Variants in TMPRSS9 observed in about 807,000 individuals in gnomAD.
TMPRSS9 encodes transmembrane serine protease 9.
TMPRSS9 carries 113 observed loss-of-function variants against 111.4 expected under a neutral mutation model. The ratio of observed to expected loss-of-function variants is 1.01; its 90% CI spans 0.87 to 1.19. The LOEUF is 1.19. TMPRSS9 is among the 50% of genes most tolerant of loss of function. The probability of loss-of-function intolerance (pLI) is 0.00; values close to 1 mark genes in which losing one functional copy is unlikely to be tolerated. For synonymous variants in TMPRSS9, 805 were observed against 659.1 expected, an observed-to-expected ratio of 1.22 and a Z score of -3.39; for missense variants, 1,803 against 1,513.1, an observed-to-expected ratio of 1.19 and a Z score of -3.18.
At chr19:2,401,701 G>A (rs1328762293) in intron 4 of TMPRSS9, among the ~76,000 whole-genome samples, 2 of 150,804 alleles carry the variant, frequency 1.3e-5, no homozygotes, top group Admixed American at 6.6e-5. Context: ...TCTGCCTCCC[G>A]GGTTCAAGCG....
At chr19:2,425,838 C>G in intron 17 of TMPRSS9, 89 bp from the exon 19 acceptor site, 2 of 1,468,062 alleles carry the variant, frequency 1.4e-6, no homozygotes, top group Middle Eastern at 2.6e-4. Context: ...GGGGAAGTCA[C>G]TAGGGTCACT....
chr19:2,406,114 C>A (rs1970964802), intron 7 of TMPRSS9, among the ~76,000 whole-genome samples: 1 of 148,150 alleles, frequency 6.7e-6, no homozygotes. Flanking sequence ...GGGTTCACGC[C>A]ATTCTCCTGC....
chr19:2,408,371 G>A (rs759889003), exon 8 of TMPRSS9: 9 of 1,613,318 alleles, frequency 5.6e-6, no homozygotes, highest in Admixed American at 3.3e-5. Flanking sequence ...AAGACCCGAC[G>A]AAGTGGGTGG....
chr19:2,394,153 A>C (rs1279101672), intron 1 of TMPRSS9, among the ~76,000 whole-genome samples: 3 of 152,110 alleles, frequency 2.0e-5, no homozygotes, highest in Admixed American at 1.3e-4. Flanking sequence ...CACTGAGCCA[A>C]GATCGTGCCA....
upstream of TMPRSS9, among the ~76,000 whole-genome samples, chr19:2,386,142 G>T (rs923243952): frequency 6.6e-6 from 1 of 152,152 alleles, no homozygotes; most frequent in East Asian, 1.9e-4. Flanking sequence ...TCGACATGGG[G>T]TCTTGCTATG....
intron 13 of TMPRSS9, among the ~76,000 whole-genome samples, chr19:2,420,566 A>G (rs1376278485): frequency 5.3e-5 from 8 of 152,216 alleles, no homozygotes; most frequent in Non-Finnish European, 1.0e-4. Context: ...AGTAGTTAAA[A>G]GGAAGGTGGT....
chr19:2,405,421 G>A lies in TMPRSS9; in HGVS notation c.718G>A (p.Gly240Ser), dbSNP rs551838755. 41 of 1,607,128 alleles carry A rather than the reference G, an allele frequency of 2.6e-5. No individual in the cohort carries two copies. Among genetic ancestry groups the A allele is most frequent in the African/African-American group, 9.4e-5 (7 of 74,458 alleles). Residue 240 changes from glycine to serine, a missense_variant, in exon 7 of 18, where the codon GGC becomes AGC. Coordinates refer to ENST00000648592, the Ensembl canonical transcript of TMPRSS9. ...GAGGATGGCCGGCAGGATCGTGGGC[G>A]GCATGGAAGCATCCCCGGGGGAGTT...
upstream of TMPRSS9, among the ~76,000 whole-genome samples, chr19:2,385,785 A>T (rs1267183980): frequency 6.6e-6 from 1 of 152,120 alleles, no homozygotes; most frequent in Non-Finnish European, 1.5e-5. Context: ...TGCGAGGTAG[A>T]GGCTGCAGTG....
Position 2,398,872 on chromosome 19 carries a change from A to C in TMPRSS9, c.338+10A>C, listed in dbSNP as rs762834072. The C allele has an allele frequency of 1.3e-6, 2 of 1,527,168 alleles. No individual in the cohort carries two copies. Among genetic ancestry groups the C allele is most frequent in the Non-Finnish European group, 1.8e-6 (2 of 1,141,860 alleles). The allele number at this position is 1,527,168 out of a possible 1,614,324, so 94.6% of individuals were successfully genotyped here. On this transcript the variant is annotated intron_variant, in intron 3 of 17. Coordinates refer to ENST00000648592, the Ensembl canonical transcript of TMPRSS9. ...CGGTACTGAATTATAGGTGAGTTGG[A>C]GCTTCCATTGGGTGAAGGAAACTTG...
upstream of TMPRSS9, among the ~76,000 whole-genome samples, chr19:2,385,172 C>T (rs1394187744): frequency 3.6e-4 from 4 of 11,162 alleles, no homozygotes; most frequent in East Asian, 9.6e-3. Context: ...GCGGGGCTCG[C>T]GGGGGGCGGG....
exon 6 of TMPRSS9, chr19:2,403,122 G>T: frequency 6.2e-7 from 1 of 1,612,696 alleles, no homozygotes; most frequent in Non-Finnish European, 8.5e-7. Flanking sequence ...GGAACAGCCA[G>T]TGTGTGACCA....
intron 1 of TMPRSS9, among the ~76,000 whole-genome samples, chr19:2,374,529 G>A (rs1414757008): frequency 2.0e-5 from 3 of 151,756 alleles, no homozygotes; most frequent in Admixed American, 6.6e-5. Context: ...AGCCGAGATC[G>A]CGCCACTGCA....
chr19:2,365,009 C>T (rs1970237839), intron 1 of TMPRSS9, among the ~76,000 whole-genome samples: 1 of 151,722 alleles, frequency 6.6e-6, no homozygotes, highest in Admixed American at 6.6e-5. Flanking sequence ...AACTGACGCA[C>T]GACTGTGGGT....
At chr19:2,367,485 C>T (rs558451804) in intron 1 of TMPRSS9, among the ~76,000 whole-genome samples, 39 of 151,938 alleles carry the variant, frequency 2.6e-4, no homozygotes, top group Non-Finnish European at 5.3e-4. Flanking sequence ...ACCTCTGCCT[C>T]CTGGGTTCAA....
chr19:2,389,993 A>C, intron 1 of TMPRSS9, 66 bp downstream of exon 2: 1 of 1,554,406 alleles, frequency 6.4e-7, no homozygotes, highest in East Asian at 2.3e-5. Flanking sequence ...CCGGGAAGTG[A>C]CTTGATGGTG....
chr19:2,401,261 G>A (rs1371395333), intron 4 of TMPRSS9, among the ~76,000 whole-genome samples: 4 of 151,772 alleles, frequency 2.6e-5, no homozygotes, highest in African/African-American at 7.3e-5. Flanking sequence ...GCGACAGAGG[G>A]AGACTCCGTC....
At chr19:2,368,908 C>T (rs1282301832) in intron 1 of TMPRSS9, among the ~76,000 whole-genome samples, 1 of 150,498 alleles carries the variant, frequency 6.6e-6, no homozygotes, top group African/African-American at 2.4e-5. Context: ...CCTCAGCCTC[C>T]TGAGTAGCTG....
chr19:2,395,637 C>T (rs1037756226), intron 1 of TMPRSS9, among the ~76,000 whole-genome samples: 4 of 152,032 alleles, frequency 2.6e-5, no homozygotes, highest in Admixed American at 1.3e-4. Flanking sequence ...ATTGCTTGAA[C>T]CCGGGAGGCG....
exon 10 of TMPRSS9, chr19:2,413,798 T>A: frequency 6.2e-7 from 1 of 1,613,820 alleles, no homozygotes; most frequent in Non-Finnish European, 8.5e-7. Flanking sequence ...AAGCCCGGCG[T>A]CCAGGGGTCT....
Sources: gnomAD v4.1 joint callset for allele counts (sites outside exome capture counted in the v4.1 genomes callset) on GRCh38, gnomAD v4.1.1 for gene constraint, MANE v1.5 for transcripts, NCBI Gene and HGNC (gene_info 2026-07-23, HGNC 2026-07-21) for gene names.